PRKAR1B: variants seen among roughly 807,000 people sequenced by gnomAD.
PRKAR1B encodes the protein protein kinase cAMP-dependent type I regulatory subunit beta, also known as cAMP-dependent protein kinase type I-beta regulatory subunit.
In PRKAR1B, 22 loss-of-function variants were observed where a neutral mutation model predicts 46.5. The ratio of observed to expected loss-of-function variants is 0.47; its 90% CI spans 0.34 to 0.68. The LOEUF (loss-of-function observed/expected upper bound fraction) is 0.68. PRKAR1B is among the 30% of genes least tolerant of loss of function. The pLI, the probability that PRKAR1B is intolerant of heterozygous loss-of-function variation, is 0.01. For missense variants in PRKAR1B, 445 were observed against 535.6 expected, an observed-to-expected ratio of 0.83 and a Z score of 1.67; for synonymous variants, 259 against 217.7, an observed-to-expected ratio of 1.19 and a Z score of -1.67.
intron 4 of PRKAR1B, among the ~76,000 whole-genome samples, chr7:624,208 G>A (rs552089010): frequency 4.5e-4 from 68 of 152,268 alleles, no homozygotes; most frequent in African/African-American, 1.1e-3. Flanking sequence ...TGAGGCAGGC[G>A]GATCACCTGA....
At chr7:631,956 C>CA (rs35750745) in intron 4 of PRKAR1B, among the ~76,000 whole-genome samples, 92,348 of 147,800 alleles carry the variant, frequency 0.62, 28,970 homozygotes, top group South Asian at 0.81. Context: ...GACCCTGTCT[C>CA]AAAAAAAAAA....
In PRKAR1B at chr7:550,414, A is replaced by G. The variant is rs1432044433; in HGVS notation, c.*16T>C. ...CACCACACTGGGGAGCTGGGGCTGC[A>G]GGGCGGGAGCTGTGCTCAGACGGTG... On this transcript the variant is annotated 3_prime_UTR_variant, in exon 11 of 11. Coordinates refer to ENST00000537384, the MANE Select transcript of PRKAR1B (RefSeq NM_001164760.2). 6.3e-7 allele frequency: 1 copy of G among 1,577,426 alleles called. No individual in the cohort carries two copies. The highest frequency in any genetic ancestry group is 2.3e-5 in the East Asian group (1 of 42,758).
At chr7:588,846 GT>G in intron 7 of PRKAR1B, among the ~76,000 whole-genome samples, 1 of 97,080 alleles carries the variant, frequency 1.0e-5, no homozygotes, top group African/African-American at 4.2e-5. Flanking sequence ...GATGGTAATG[GT>G]GGTGATGGTG....
rs377257296 is a variant in PRKAR1B, at chr7:563,642, CCAGAA to C, written c.892-12177_892-12173del. Among the ~76,000 whole-genome samples, 180 of 151,820 alleles carry C rather than the reference CCAGAA, an allele frequency of 1.2e-3. 1 individual carries two copies. Among genetic ancestry groups the C allele is most frequent in the African/African-American group, 3.6e-3 (149 of 41,396 alleles). The stretch of plus-strand genomic sequence containing the variant: ...TATGCACTGTGTGTGTGCATGTGTG[CCAGAA>C]CAGAAGTCTGTGTGAGCATGTGTGC... On this transcript the variant is annotated intron_variant, in intron 9 of 10. Transcript: ENST00000537384.
chr7:605,259 G>A (rs1388283753), intron 6 of PRKAR1B, among the ~76,000 whole-genome samples: 1 of 152,224 alleles, frequency 6.6e-6, no homozygotes, highest in Admixed American at 6.5e-5. Flanking sequence ...GCAGGGGCTC[G>A]GGCCTGATTC....
rs1778624527 is a variant in PRKAR1B, at chr7:680,659, ACCT to A, written c.242_244del (p.Glu81del). 1.2e-6 allele frequency: 2 copies of A among 1,613,186 alleles called. No individual in the cohort carries two copies. Among genetic ancestry groups the A allele is most frequent in the Non-Finnish European group, 1.7e-6 (2 of 1,179,758 alleles). ...CACAGGGTTCGGGGGGGTGGGCGAC[ACCT>A]CCTCATCATGGGAGTCCGACTGTGA... On this transcript the variant is annotated inframe_deletion, in exon 3 of 11. Transcript: ENST00000537384.
Position 551,483 on chromosome 7 carries a change from G to A in PRKAR1B, c.892-13C>T, listed in dbSNP as rs763077560. The stretch of plus-strand genomic sequence containing the variant: ...CGGACGCGGTGCCCTGTGGGTGGAG[G>A]TGGACAGACGTGAGTGCCAGCCAGG... On this transcript the variant is annotated splice_polypyrimidine_tract_variant and intron_variant, in intron 9 of 10. Transcript: ENST00000537384. 12 of 1,551,358 alleles carry A rather than the reference G, an allele frequency of 7.7e-6. No individual in the cohort carries two copies. Among genetic ancestry groups the A allele is most frequent in the South Asian group, 2.4e-5 (2 of 84,262 alleles).
intron 4 of PRKAR1B, among the ~76,000 whole-genome samples, chr7:649,309 A>G (rs563188349): frequency 4.6e-5 from 7 of 152,334 alleles, no homozygotes; most frequent in African/African-American, 1.4e-4. Flanking sequence ...ACGTATCTTA[A>G]TATTTTTTGA....
At chr7:703,652 T>C (rs2128523704) in intron 2 of PRKAR1B, among the ~76,000 whole-genome samples, 1 of 135,964 alleles carries the variant, frequency 7.4e-6, no homozygotes, top group Non-Finnish European at 1.6e-5. Flanking sequence ...CAAGACTCTG[T>C]CTCAAAAAAA....
chr7:727,245 G>C lies in PRKAR1B; in HGVS notation c.-58C>G. ...CTCTGCGCGCGCTGCGCTGCTCCCT[G>C]CTCGACCCCTTCGCCGCCGTGCGCC... On this transcript the variant is annotated 5_prime_UTR_variant, in exon 1 of 11. Transcript: ENST00000537384. The C allele has an allele frequency of 3.0e-6, 4 of 1,348,768 alleles. No homozygotes were observed. The South Asian group carries it at 5.3e-5, about 18-fold the overall frequency. 83.6% of individuals were successfully genotyped at this position (1,348,768 alleles called of 1,614,324 possible).
chr7:712,194 G>T (rs901849499), intron 1 of PRKAR1B, among the ~76,000 whole-genome samples: 7 of 146,470 alleles, frequency 4.8e-5, no homozygotes, highest in Middle Eastern at 3.8e-3. Flanking sequence ...TGCCCAGACC[G>T]CCGGGAAGGC....
intron 9 of PRKAR1B, among the ~76,000 whole-genome samples, chr7:568,864 G>A (rs1214618472): frequency 1.3e-5 from 2 of 152,220 alleles, no homozygotes; most frequent in East Asian, 1.9e-4. Context: ...GTCTGGGAAC[G>A]CCTGCGCGGC....
At chr7:690,378 G>A (rs900564797) in intron 2 of PRKAR1B, among the ~76,000 whole-genome samples, 13 of 151,798 alleles carry the variant, frequency 8.6e-5, no homozygotes, top group African/African-American at 3.1e-4. Context: ...CAGCTGCTGG[G>A]GCCATCCATA....
upstream of PRKAR1B, among the ~76,000 whole-genome samples, chr7:727,829 A>C (rs1191597839): frequency 6.7e-5 from 7 of 104,928 alleles, no homozygotes; most frequent in Admixed American, 1.9e-4. Flanking sequence ...AGCCCCCTCC[A>C]CCCCACCCGG....
chr7:658,706 A>G (rs1202302140), intron 4 of PRKAR1B, among the ~76,000 whole-genome samples: 1 of 152,110 alleles, frequency 6.6e-6, no homozygotes, highest in African/African-American at 2.4e-5. Context: ...GCTGGAGTGC[A>G]GTGGTGCATT....
chr7:619,390 C>T (rs191391269), intron 4 of PRKAR1B, among the ~76,000 whole-genome samples: 11 of 152,346 alleles, frequency 7.2e-5, no homozygotes, highest in East Asian at 1.9e-4. Context: ...CAGTGTTTTA[C>T]GCACAGTTGC....
rs1390515060 is a variant in PRKAR1B at position 579,245 on chromosome 7, G to A, written c.891+11C>T. ...CACACCCAGAGCGCCCACGTGGGAA[G>A]CACGTCTCACCTCCGTGATGATGTA... On this transcript the variant is annotated intron_variant, in intron 9 of 10. Coordinates refer to ENST00000537384, the MANE Select transcript of PRKAR1B (RefSeq NM_001164760.2). The A allele has an allele frequency of 1.2e-6, 2 of 1,614,056 alleles. No individual in the cohort carries two copies. The highest frequency in any genetic ancestry group is 1.7e-5 in the Admixed American group (1 of 60,022).
At position 680,683 on chromosome 7, in the gene PRKAR1B, T is replaced by A; in HGVS notation, c.221A>T (p.Gln74Leu). ...QILARQKSNS[Q>L]SDSHDEEVSP... The stretch of plus-strand genomic sequence containing the variant: ...CACCTCCTCATCATGGGAGTCCGAC[T>A]GTGAGTTTGACTTTTGCCGCGCCAA... Residue 74 changes from glutamine (Q) to leucine (L), a missense_variant, in exon 3 of 11, where the codon CAG becomes CTG. By Grantham distance (113) the Gln-to-Leu change is moderately radical (BLOSUM62 -2). Transcript: ENST00000537384. 6.2e-7 allele frequency: 1 copy of A among 1,613,894 alleles called. No homozygotes were observed.
chr7:629,037 G>A (rs901290718), intron 4 of PRKAR1B, among the ~76,000 whole-genome samples: 5 of 152,212 alleles, frequency 3.3e-5, no homozygotes, highest in Non-Finnish European at 7.3e-5. Context: ...CCTGTGTGTC[G>A]GACATTACAG....
Sources: allele counts gnomAD v4.1 joint callset (sites outside exome capture counted in the v4.1 genomes callset), GRCh38; gene constraint gnomAD v4.1.1; transcripts MANE v1.5; gene names NCBI Gene and HGNC (gene_info 2026-07-23, HGNC 2026-07-21).